Variants in DOCK11 observed in about 807,000 individuals in gnomAD.
DOCK11 encodes dedicator of cytokinesis protein 11.
DOCK11 carries 70 observed loss-of-function variants against 169.1 expected under a neutral mutation model. The ratio of observed to expected loss-of-function variants is 0.41; its 90% CI spans 0.34 to 0.51. The LOEUF is 0.51. Among genes scored for constraint, DOCK11 ranks in the 20% least tolerant of loss-of-function variants. The probability of loss-of-function intolerance (pLI) is 0.10; values close to 1 mark genes in which losing one functional copy is unlikely to be tolerated. For missense variants in DOCK11, 1,166 were observed against 1,538.8 expected, an observed-to-expected ratio of 0.76 and a Z score of 4.05; for synonymous variants, 529 against 541.3, an observed-to-expected ratio of 0.98 and a Z score of 0.32.
rs189884189 is a variant in DOCK11 at position 118,554,448 on chromosome X, G to A, written c.559-6935G>A. Among the ~76,000 whole-genome samples, 269 of 111,005 alleles carry A rather than the reference G, an allele frequency of 2.4e-3. 2 individuals are homozygous for A. Among genetic ancestry groups the A allele is most frequent in the African/African-American group, 8.4e-3 (256 of 30,516 alleles). ...ACCTGTAATATCAGCTACTCGGGAG[G>A]CTGAGGCACCAGAATCTCTCGAACC... On this transcript the variant is annotated intron_variant, in intron 6 of 52. Coordinates refer to ENST00000276202, the MANE Select transcript of DOCK11 (RefSeq NM_144658.4).
At chrX:118,685,126 C>T (rs1423698453) in intron 52 of DOCK11, among the ~76,000 whole-genome samples, 1 of 112,181 alleles carries the variant, frequency 8.9e-6, no homozygotes, top group African/African-American at 3.2e-5. Context: ...TACTGGAATA[C>T]AATCTTTAAA....
At chrX:118,656,141 A>AT (rs911942124) in intron 44 of DOCK11, among the ~76,000 whole-genome samples, 1 of 110,596 alleles carries the variant, frequency 9.0e-6, no homozygotes, top group Non-Finnish European at 1.9e-5. Context: ...AAATACAAAA[A>AT]TTAGCTGGGC....
rs397839351 is a variant in DOCK11 at position 118,568,370 on chromosome X, TTATATATA to T, written c.1035+256_1035+263del. Among the ~76,000 whole-genome samples, 239 of 36,680 alleles carry T rather than the reference TTATATATA, an allele frequency of 6.5e-3. 1 individual carries two copies. Among genetic ancestry groups the T allele is most frequent in the Middle Eastern group, 0.022 (1 of 45 alleles). 31.9% of individuals were successfully genotyped at this position (36,680 alleles called of 115,157 possible). On this transcript the variant is annotated intron_variant, in intron 10 of 52. Transcript: ENST00000276202. ...CATATGCAGATAATTTGGGGCTGAA[TTATATATA>T]TATATATATATATATATATATATAT...
At chrX:118,584,171 A>G (rs1279366584) in intron 14 of DOCK11, among the ~76,000 whole-genome samples, 6 of 112,284 alleles carry the variant, frequency 5.3e-5, no homozygotes, top group African/African-American at 1.9e-4. Flanking sequence ...GAACATGTCT[A>G]TTACCCCAGA....
chrX:118,647,541 T>TTTA (rs2015723884), intron 40 of DOCK11, among the ~76,000 whole-genome samples: 1 of 72,452 alleles, frequency 1.4e-5, no homozygotes, highest in Admixed American at 2.1e-4. Flanking sequence ...ATATTATATA[T>TTTA]TATATATGTT....
chrX:118,682,990 C>A, intron 51 of DOCK11, 89 bp from the exon 52 acceptor site: 1 of 906,967 alleles, frequency 1.1e-6, no homozygotes, highest in Non-Finnish European at 1.5e-6. Context: ...CCTAGGCAAG[C>A]CATGGCTAAA....
chrX:118,582,064 A>G (rs1164778647), intron 14 of DOCK11, among the ~76,000 whole-genome samples: 1 of 109,540 alleles, frequency 9.1e-6, no homozygotes, highest in Admixed American at 9.8e-5. Flanking sequence ...TGGGAGGCGG[A>G]GGTTGCAGTG....
chrX:118,526,122 A>C (rs756381657), intron 1 of DOCK11, among the ~76,000 whole-genome samples: 152 of 112,097 alleles, frequency 1.4e-3, no homozygotes, highest in Admixed American at 4.3e-3. Context: ...AGGCCATGAC[A>C]TCTTGGGAGC....
rs752552259 is a variant in DOCK11, at chrX:118,618,750, T to A, written c.3471+22T>A. ...CAAGGTAAGGATATCCATGCAGTCA[T>A]CAGTATCACACTGGTAGAGTTCTAC... On this transcript the variant is annotated intron_variant, in intron 31 of 52. Coordinates refer to ENST00000276202, the MANE Select transcript of DOCK11 (RefSeq NM_144658.4). 2.6e-6 allele frequency: 3 copies of A among 1,134,936 alleles called. No homozygotes were observed. In the South Asian group the frequency reaches 6.5e-5, roughly 24 times the overall value. The allele number at this position is 1,134,936 out of a possible 1,213,427, so 93.5% of individuals were successfully genotyped here. A position where few individuals can be genotyped will look rare whatever the true frequency, so the allele number is the denominator to read the frequency against.
chrX:118,587,620 G>A (rs1454429060), intron 16 of DOCK11, among the ~76,000 whole-genome samples: 2 of 111,194 alleles, frequency 1.8e-5, no homozygotes, highest in African/African-American at 3.3e-5. Context: ...TTTCACGGTC[G>A]GGGTATTGAG....
chrX:118,539,964 T>C (rs1467091248), intron 1 of DOCK11, among the ~76,000 whole-genome samples: 1 of 98,294 alleles, frequency 1.0e-5, no homozygotes, highest in South Asian at 4.7e-4. Flanking sequence ...GGCAGGAGAA[T>C]CGCTTGAACC....
chrX:118,577,863 A>G (rs2013498911), intron 12 of DOCK11, among the ~76,000 whole-genome samples: 1 of 112,328 alleles, frequency 8.9e-6, no homozygotes, highest in South Asian at 3.6e-4. Flanking sequence ...CCTTTAAACA[A>G]CAGGCATAAC....
intron 22 of DOCK11, among the ~76,000 whole-genome samples, chrX:118,598,754 C>G (rs1022918857): frequency 8.9e-6 from 1 of 112,532 alleles, no homozygotes; most frequent in Admixed American, 9.4e-5. Context: ...GACTATTGTT[C>G]TGCTAACTTC....
At chrX:118,643,690 C>A in intron 40 of DOCK11, 96 bp downstream of exon 40, 1 of 984,395 alleles carries the variant, frequency 1.0e-6, no homozygotes, top group Non-Finnish European at 1.4e-6. Context: ...TATACAATGC[C>A]AGCTCATGAA....
At chrX:118,576,290 G>C (rs1439166173) in intron 12 of DOCK11, among the ~76,000 whole-genome samples, 2 of 111,334 alleles carry the variant, frequency 1.8e-5, no homozygotes, top group Non-Finnish European at 3.8e-5. Flanking sequence ...GCCCTGGGGT[G>C]GGGAGGCATA....
chrX:118,570,580 G>A (rs1295837735), intron 10 of DOCK11, among the ~76,000 whole-genome samples: 1 of 112,255 alleles, frequency 8.9e-6, no homozygotes, highest in Non-Finnish European at 1.9e-5. Context: ...GTTTCAGTCA[G>A]TCATACTGGG....
chrX:118,546,210 C>CAAAAAAAAAAAAAAAAAAAAAAA (rs1556269491), intron 6 of DOCK11, 94 bp downstream of exon 6: 5 of 45,848 alleles, frequency 1.1e-4, no homozygotes, highest in East Asian at 5.6e-4. Flanking sequence ...AGAGCCCTAG[C>CAAAAAAAAAAAAAAAAAAAAAAA]AAAAAAAAAA....
intron 6 of DOCK11, among the ~76,000 whole-genome samples, chrX:118,548,269 T>C (rs1373088926): frequency 1.8e-5 from 2 of 112,388 alleles, no homozygotes; most frequent in African/African-American, 6.5e-5. Context: ...CCATATATTA[T>C]AAGCCAAAAA....
Position 118,542,965 on chromosome X carries a change from A to C in DOCK11, c.259A>C (p.Thr87Pro). ...TCGTCAACGCAGAACGGTGCAGTCT[A>C]CTGTACCAGAAGATGCTGAAAAGAG... The part of the protein sequence containing the change: ...IGRQRRTVQS[T>P]VPEDAEKRAQ... Residue 87 changes from threonine to proline, a missense_variant, in exon 3 of 53, where the codon ACT becomes CCT. Transcript: ENST00000276202. The C allele has an allele frequency of 8.3e-7, 1 of 1,211,605 alleles. No homozygotes were observed. The highest frequency in any genetic ancestry group is 1.8e-5 in the South Asian group (1 of 56,996).
Sources: allele counts gnomAD v4.1 joint callset (sites outside exome capture counted in the v4.1 genomes callset), GRCh38; gene constraint gnomAD v4.1.1; transcripts MANE v1.5; gene names NCBI Gene and HGNC (gene_info 2026-07-23, HGNC 2026-07-21).